ANXA1: variants seen among roughly 807,000 people sequenced by gnomAD.
The protein encoded by ANXA1 is annexin A1.
In ANXA1, 39 loss-of-function variants were observed where a neutral mutation model predicts 47.9. That is an observed-to-expected ratio of 0.81 (90% CI 0.63 to 1.06). The LOEUF is 1.06. Ranked by LOEUF, ANXA1 falls within the 50% of genes least tolerant of loss-of-function variation. The pLI, the probability that ANXA1 is intolerant of heterozygous loss-of-function variation, is 0.00. For synonymous variants in ANXA1, 146 were observed against 142.5 expected (o/e 1.02, Z -0.17); for missense variants, 446 against 422.7 (o/e 1.06, Z -0.48).
intron 1 of ANXA1, among the ~76,000 whole-genome samples, chr9:73,156,832 A>G (rs1053546588): frequency 4.6e-5 from 7 of 152,190 alleles, no homozygotes; most frequent in Admixed American, 6.5e-5. Context: ...GTGAAACAGA[A>G]TGGTGTAGAT....
At chr9:73,169,673 A>G (rs1392267932) in intron 12 of ANXA1, among the ~76,000 whole-genome samples, 1 of 152,144 alleles carries the variant, frequency 6.6e-6, no homozygotes, top group African/African-American at 2.4e-5. Context: ...AAATCTACCC[A>G]GAAAATGTGA....
At chr9:73,155,857 T>A in intron 1 of ANXA1, among the ~76,000 whole-genome samples, 1 of 152,076 alleles carries the variant, frequency 6.6e-6, no homozygotes, top group Non-Finnish European at 1.5e-5. Flanking sequence ...ATAAGTGACT[T>A]AAACAACTTA....
chr9:73,157,015 A>G (rs1168133720), intron 1 of ANXA1, among the ~76,000 whole-genome samples: 1 of 152,226 alleles, frequency 6.6e-6, no homozygotes, highest in East Asian at 1.9e-4. Flanking sequence ...CCAAGTCATG[A>G]TAGCAATTCA....
chr9:73,163,694 A>C (rs1485952046), intron 8 of ANXA1, among the ~76,000 whole-genome samples, 162 bp downstream of exon 8: 1 of 152,174 alleles, frequency 6.6e-6, no homozygotes, highest in Non-Finnish European at 1.5e-5. Context: ...GCCCCCACAC[A>C]CAAAAAAGTA....
Position 73,160,885 on chromosome 9 carries a change from A to G in ANXA1, c.467A>G (p.Tyr156Cys). 1 of 1,606,176 alleles carries G rather than the reference A, an allele frequency of 6.2e-7. No homozygotes were observed. The highest frequency in any genetic ancestry group is 8.5e-7 in the Non-Finnish European group (1 of 1,173,272). The change falls in exon 6 of 13, where the codon TAC becomes TGC. Residue 156 changes from tyrosine to cysteine, a missense_variant. Physicochemically the swap from Tyr to Cys is radical, Grantham distance 194. Coordinates refer to ENST00000257497, the MANE Select transcript of ANXA1 (RefSeq NM_000700.3). ...GAAATCAGAGACATTAACAGGGTCTACAGAGAGGGTAAGTTGTAATGTCCA... is the reference window on the plus strand; with the variant it reads ...GAAATCAGAGACATTAACAGGGTCTGCAGAGAGGGTAAGTTGTAATGTCCA... ...NKEIRDINRV[Y>C]REELKRDLAK...
At position 73,169,081 on chromosome 9, in the gene ANXA1, C is replaced by G. The variant is rs761621511; in HGVS notation, c.911C>G (p.Ser304Cys). The change falls in exon 12 of 13, where the codon TCT (serine) becomes TGT (cysteine). Residue 304 changes from serine to cysteine, a missense_variant. By Grantham distance (112) the Ser-to-Cys change is moderately radical (BLOSUM62 -1). Coordinates refer to ENST00000257497, the MANE Select transcript of ANXA1 (RefSeq NM_000700.3). ...TTGATCAGGATTATGGTTTCCCGTT[C>G]TGAAATTGACATGAATGATATCAAA... ...KALIRIMVSR[S>C]EIDMNDIKAF... The G allele has an allele frequency of 1.2e-6, 2 of 1,613,450 alleles. No homozygotes were observed. The highest frequency in any genetic ancestry group is 2.2e-5 in the South Asian group (2 of 91,044).
At chr9:73,159,556 A>AGT (rs1383268631) in intron 4 of ANXA1, 133 bp downstream of exon 4, 1 of 641,540 alleles carries the variant, frequency 1.6e-6, no homozygotes, top group African/African-American at 1.9e-5. Flanking sequence ...TTGGGATTGC[A>AGT]GTGTTTATCC....
chr9:73,169,082 T>C lies in ANXA1; in HGVS notation c.912T>C (p.Ser304=), dbSNP rs769727131. Residue 304 remains serine, a synonymous_variant, in exon 12 of 13, where the codon TCT becomes TCC. Transcript: ENST00000257497. Reference sequence around the variant, plus strand: ...TGATCAGGATTATGGTTTCCCGTTCTGAAATTGACATGAATGATATCAAAG... The same window carrying C: ...TGATCAGGATTATGGTTTCCCGTTCCGAAATTGACATGAATGATATCAAAG... ...KALIRIMVSR[S]EIDMNDIKAF... is the part of the protein sequence containing the mutation. The C allele has an allele frequency of 1.5e-5, 25 of 1,613,564 alleles. No homozygotes were observed. The highest frequency in any genetic ancestry group is 2.1e-5 in the Non-Finnish European group (25 of 1,179,588).
At chr9:73,160,735 A>C in intron 5 of ANXA1, 68 bp from the exon 6 acceptor site, 1 of 1,250,414 alleles carries the variant, frequency 8.0e-7, no homozygotes, top group Non-Finnish European at 1.1e-6. Flanking sequence ...TGGAACACCA[A>C]AAACTCATTG....
Position 73,160,794 on chromosome 9 carries a change from C to A in ANXA1, c.385-9C>A. 6.2e-7 allele frequency: 1 copy of A among 1,600,528 alleles called. No individual in the cohort carries two copies. Among genetic ancestry groups the A allele is most frequent in the Non-Finnish European group, 8.5e-7 (1 of 1,171,448 alleles). On this transcript the variant is annotated splice_polypyrimidine_tract_variant and intron_variant, in intron 5 of 12. Transcript: ENST00000257497. The stretch of plus-strand genomic sequence containing the variant: ...TCTACATTTATCCTTTTCTTCTCTT[C>A]AAATTTAGGGCCTTGGAACTGATGA...
At chr9:73,159,250 C>T in intron 3 of ANXA1, 79 bp from the exon 4 acceptor site, 1 of 1,110,470 alleles carries the variant, frequency 9.0e-7, no homozygotes, top group Non-Finnish European at 1.4e-6. Context: ...TCTTTTGGAG[C>T]ATCTCAGTAA....
chr9:73,160,476 A>G, intron 5 of ANXA1, 100 bp downstream of exon 5: 1 of 728,706 alleles, frequency 1.4e-6, no homozygotes, highest in Non-Finnish European at 2.2e-6. Flanking sequence ...AGTACCTGTC[A>G]ATCAGTGGGA....
chr9:73,153,560 T>G (rs1824003038), intron 1 of ANXA1, among the ~76,000 whole-genome samples: 1 of 152,238 alleles, frequency 6.6e-6, no homozygotes, highest in Admixed American at 6.5e-5. Flanking sequence ...TTCAACATTC[T>G]TATTTTATAA....
At chr9:73,154,519 T>C (rs1190753147) in intron 1 of ANXA1, among the ~76,000 whole-genome samples, 2 of 152,158 alleles carry the variant, frequency 1.3e-5, no homozygotes, top group Admixed American at 6.6e-5. Context: ...CACTGCAGCC[T>C]CCGCCTCTTC....
chr9:73,163,667 AG>A (rs146119328), intron 8 of ANXA1, 135 bp downstream of exon 8: 42,948 of 811,776 alleles, frequency 0.053, 1,790 homozygotes, highest in East Asian at 0.18. Context: ...TTCCTGAATG[AG>A]GCATGTCTTT....
At chr9:73,168,206 A>T (rs948950829) in intron 11 of ANXA1, 1 of 152,228 alleles carries the variant, frequency 6.6e-6, no homozygotes, top group Non-Finnish European at 1.5e-5. Context: ...AATAATATGA[A>T]GGAATATTTT....
At chr9:73,159,248 A>G (rs112180477) in intron 3 of ANXA1, 81 bp from the exon 4 acceptor site, 6 of 1,106,556 alleles carry the variant, frequency 5.4e-6, no homozygotes, top group Non-Finnish European at 8.1e-6. Flanking sequence ...GTTCTTTTGG[A>G]GCATCTCAGT....
chr9:73,167,648 A>T lies in ANXA1; in HGVS notation c.861+93A>T, dbSNP rs961456379. 3.5e-6 allele frequency: 4 copies of T among 1,130,210 alleles called. No homozygotes were observed. The African/African-American group carries it at 6.2e-5, about 18-fold the overall frequency. 70.0% of individuals were successfully genotyped at this position (1,130,210 alleles called of 1,614,324 possible). A position where few individuals can be genotyped will look rare whatever the true frequency, so the allele number is the denominator to read the frequency against. ...CATGTTGTTTGAAAATCTCACATTT[A>T]ATATCTTCCCATTAATGAGAATCAT... On this transcript the variant is annotated intron_variant, in intron 11 of 12. Transcript: ENST00000257497.
chr9:73,164,605 T>C (rs1457727357), intron 8 of ANXA1, among the ~76,000 whole-genome samples: 1 of 152,068 alleles, frequency 6.6e-6, no homozygotes, highest in Non-Finnish European at 1.5e-5. Flanking sequence ...GGGATTATAT[T>C]TTTCATATAT....
Sources: gnomAD v4.1 joint callset for allele counts (sites outside exome capture counted in the v4.1 genomes callset) on GRCh38, gnomAD v4.1.1 for gene constraint, MANE v1.5 for transcripts, NCBI Gene and HGNC (gene_info 2026-07-23, HGNC 2026-07-21) for gene names.